The following PIEZO2 variants were observed in gnomAD, a reference collection of about 807,000 sequenced individuals.
The protein encoded by PIEZO2 is piezo-type mechanosensitive ion channel component 2.
PIEZO2 carries 172 observed loss-of-function variants against 337.3 expected under a neutral mutation model. The observed-to-expected ratio is 0.51, with a 90% CI of 0.45 to 0.58. PIEZO2 has a LOEUF of 0.58. Among genes scored for constraint, PIEZO2 ranks in the 20% least tolerant of loss-of-function variants. The probability of loss-of-function intolerance (pLI) is 0.00; values close to 1 mark genes in which losing one functional copy is unlikely to be tolerated. For synonymous variants in PIEZO2, 1,251 were observed against 1,228.5 expected, an observed-to-expected ratio of 1.02 and a Z score of -0.38; for missense variants, 3,028 against 3,391.3, an observed-to-expected ratio of 0.89 and a Z score of 2.66.
In PIEZO2 at chr18:10,702,077, T is replaced by C. The variant is rs1429315459; in HGVS notation, c.6353A>G (p.Asn2118Ser). ...VNKDKPYHPPNIIGVEKKEGY... is the reference protein window; with the variant it reads ...VNKDKPYHPPSIIGVEKKEGY... ...TTCCTTCTTTTCCACTCCTATGATG[T>C]TTGGGGGGTGATACGGTTTATCTTT... is the stretch of plus-strand genomic sequence containing the variant. Residue 2118 changes from asparagine (N) to serine (S), a missense_variant, in exon 43 of 56, where the codon AAC becomes AGC. Coordinates refer to ENST00000674853, the MANE Select transcript of PIEZO2 (RefSeq NM_001378183.1). The C allele has an allele frequency of 1.3e-6, 2 of 1,537,074 alleles. No individual in the cohort carries two copies. Among genetic ancestry groups the C allele is most frequent in the East Asian group, 2.4e-5 (1 of 40,916 alleles).
Position 10,813,935 on chromosome 18 carries a change from T to C in PIEZO2, c.918-6661A>G, listed in dbSNP as rs1473934278. On this transcript the variant is annotated intron_variant, in intron 7 of 55. Transcript: ENST00000674853. The surrounding 1 kb of genome is among the most constrained non-coding windows in gnomAD (Gnocchi z 4.2). ...TCTTGTTATTTTATGCTTTTCAGAG[T>C]AGTCATCCTAATAGGTGTGAGATGG... Among the ~76,000 whole-genome samples the C allele has an allele frequency of 6.6e-6, 1 of 151,938 alleles. No homozygotes were observed. Among genetic ancestry groups the C allele is most frequent in the Non-Finnish European group, 1.5e-5 (1 of 68,008 alleles).
intron 4 of PIEZO2, among the ~76,000 whole-genome samples, chr18:10,891,675 T>G (rs944376344): frequency 3.3e-5 from 5 of 152,206 alleles, no homozygotes; most frequent in African/African-American, 1.2e-4. Flanking sequence ...AGCATTGCAA[T>G]TTTGAGACTG....
At position 10,682,771 on chromosome 18, in the gene PIEZO2, G is replaced by GTTC; in HGVS notation, c.7498-480_7498-479insGAA. ...ATTTTTAATTTAATTCATGACACGT[G>GTTC]TTGTTAAAGACAATGTTGTTCGACA... On this transcript the variant is annotated intron_variant, in intron 49 of 55. Transcript: ENST00000674853. The surrounding 1 kb of genome is among the most constrained non-coding windows in gnomAD (Gnocchi z 5.6). Among the ~76,000 whole-genome samples the GTTC allele has an allele frequency of 1.6e-5, 1 of 63,932 alleles. No homozygotes were observed. Among genetic ancestry groups the GTTC allele is most frequent in the Non-Finnish European group, 4.0e-5 (1 of 24,874 alleles). 41.9% of individuals were successfully genotyped at this position (63,932 alleles called of 152,430 possible). A position where few individuals can be genotyped will look rare whatever the true frequency, so the allele number is the denominator to read the frequency against.
rs370870677 is a variant in PIEZO2 at position 11,135,861 on chromosome 18, T to C, written c.64+12664A>G. On this transcript the variant is annotated intron_variant, in intron 1 of 55. Coordinates refer to ENST00000674853, the MANE Select transcript of PIEZO2 (RefSeq NM_001378183.1). ...GGATACTTCTCCTTCCTTGGGAGAT[T>C]AGCACTGCATTATCAACATAGATCC... Among the ~76,000 whole-genome samples, 56 of 152,348 alleles carry C rather than the reference T, an allele frequency of 3.7e-4. 1 individual carries two copies. The highest frequency in any genetic ancestry group is 1.3e-3 in the African/African-American group (56 of 41,576).
Position 10,954,768 on chromosome 18 carries a change from C to T in PIEZO2, c.286+24767G>A, listed in dbSNP as rs1280452477. On this transcript the variant is annotated intron_variant, in intron 3 of 55. Coordinates refer to ENST00000674853, the MANE Select transcript of PIEZO2 (RefSeq NM_001378183.1). This position sits in a 1 kb window ranked among gnomAD's most constrained non-coding sequence, Gnocchi z 4.2. ...CAGGGGAGACCAGGAGGACCTGAAG[C>T]AACGCATGAGAAGCATCTGACGCTA... is the stretch of plus-strand genomic sequence containing the variant. 6.6e-6 allele frequency among the ~76,000 whole-genome samples: 1 copy of T among 152,198 alleles called. No homozygotes were observed. The highest frequency in any genetic ancestry group is 6.5e-5 in the Admixed American group (1 of 15,280).
intron 7 of PIEZO2, among the ~76,000 whole-genome samples, chr18:10,836,179 A>G (rs546473159): frequency 1.3e-5 from 2 of 152,204 alleles, no homozygotes; most frequent in African/African-American, 4.8e-5. Context: ...CTTATCTCCT[A>G]TTTAAGAGTT....
intron 1 of PIEZO2, among the ~76,000 whole-genome samples, chr18:11,115,940 C>T (rs1055180642): frequency 2.6e-5 from 4 of 152,018 alleles, no homozygotes; most frequent in African/African-American, 9.7e-5. Flanking sequence ...ACATAAAATA[C>T]AAGTACAGAT....
chr18:10,943,662 TTAA>T lies in PIEZO2; in HGVS notation c.287-32437_287-32435del, dbSNP rs1598728613. Among the ~76,000 whole-genome samples, 2 of 152,078 alleles carry T rather than the reference TTAA, an allele frequency of 1.3e-5. No homozygotes were observed. Among genetic ancestry groups the T allele is most frequent in the African/African-American group, 2.4e-5 (1 of 41,390 alleles). The stretch of plus-strand genomic sequence containing the variant: ...ATACTTTGCACTGTGGACTTTTGAG[TTAA>T]TGATGAAATGAGTTGAGACTTTGGG... On this transcript the variant is annotated intron_variant, in intron 3 of 55. Transcript: ENST00000674853. The surrounding 1 kb of genome is among the most constrained non-coding windows in gnomAD (Gnocchi z 4.5).
chr18:10,832,941 C>A (rs1450917185), intron 7 of PIEZO2, among the ~76,000 whole-genome samples: 5 of 149,482 alleles, frequency 3.3e-5, no homozygotes, highest in Non-Finnish European at 1.5e-5. Context: ...GAGGAGCCCA[C>A]GTTTCCGCCT....
At chr18:11,119,749 A>T (rs1330136426) in intron 1 of PIEZO2, among the ~76,000 whole-genome samples, 1 of 152,174 alleles carries the variant, frequency 6.6e-6, no homozygotes, top group African/African-American at 2.4e-5. Flanking sequence ...CCAGTGCCAG[A>T]TCACACTAGA....
Position 11,119,764 on chromosome 18 carries a change from T to C in PIEZO2, c.64+28761A>G, listed in dbSNP as rs141283202. Reference sequence around the variant, plus strand: ...CCAGTGCCAGATCACACTAGAGGAATAGATGTGGGAGGCGACTGTTGCAAA... The same window carrying C: ...CCAGTGCCAGATCACACTAGAGGAACAGATGTGGGAGGCGACTGTTGCAAA... On this transcript the variant is annotated intron_variant, in intron 1 of 55. Coordinates refer to ENST00000674853, the MANE Select transcript of PIEZO2 (RefSeq NM_001378183.1). 4.7e-3 allele frequency among the ~76,000 whole-genome samples: 720 copies of C among 152,266 alleles called. 6 individuals are homozygous for C. Among genetic ancestry groups the C allele is most frequent in the African/African-American group, 0.016 (669 of 41,554 alleles).
At chr18:11,057,961 A>G (rs2037790836) in intron 2 of PIEZO2, among the ~76,000 whole-genome samples, 1 of 152,242 alleles carries the variant, frequency 6.6e-6, no homozygotes, top group Admixed American at 6.5e-5. Context: ...GAAAGCATCT[A>G]ATAATACTCA....
chr18:11,065,997 C>A lies in PIEZO2; in HGVS notation c.160+130G>T. The A allele has an allele frequency of 5.9e-6, 4 of 672,540 alleles. No homozygotes were observed. In the South Asian group the frequency reaches 8.4e-5, roughly 14 times the overall value. 41.7% of individuals were successfully genotyped at this position (672,540 alleles called of 1,614,324 possible). On this transcript the variant is annotated intron_variant, in intron 2 of 55. Transcript: ENST00000674853. ...TGTAGTTCTTAAAATGTTTGACACC[C>A]ACTCCATGCCATATTAGCCCTGCTG...
intron 2 of PIEZO2, among the ~76,000 whole-genome samples, chr18:10,998,148 T>G (rs1158600239): frequency 6.6e-6 from 1 of 152,104 alleles, no homozygotes; most frequent in Non-Finnish European, 1.5e-5. Flanking sequence ...ACTTAGAATT[T>G]TATACCCTGT....
chr18:10,709,372 C>T (rs538394416), intron 39 of PIEZO2: 4 of 152,238 alleles, frequency 2.6e-5, no homozygotes, highest in Non-Finnish European at 5.9e-5. Flanking sequence ...ACACATGGCT[C>T]AACCCCAAAG....
chr18:11,077,506 CA>C lies in PIEZO2; in HGVS notation c.65-11285del, dbSNP rs397728593. 6.6e-6 allele frequency among the ~76,000 whole-genome samples: 1 copy of C among 151,868 alleles called. No homozygotes were observed. The highest frequency in any genetic ancestry group is 1.5e-5 in the Non-Finnish European group (1 of 67,958). On this transcript the variant is annotated intron_variant, in intron 1 of 55. Transcript: ENST00000674853. The surrounding 1 kb of genome is among the most constrained non-coding windows in gnomAD (Gnocchi z 4.8). The stretch of plus-strand genomic sequence containing the variant: ...ACATAGTGAGACCCCCATCTCCACA[CA>C]AAAAAAGAAAAAACTAGCTGGGCAT...
intron 1 of PIEZO2, among the ~76,000 whole-genome samples, chr18:11,087,321 C>A (rs1032567263): frequency 2.0e-5 from 3 of 152,170 alleles, no homozygotes; most frequent in Non-Finnish European, 4.4e-5. Context: ...GTGTCATTTT[C>A]ATCCCTGCAC....
At chr18:10,904,175 A>T (rs555346328) in intron 4 of PIEZO2, among the ~76,000 whole-genome samples, 1 of 152,242 alleles carries the variant, frequency 6.6e-6, no homozygotes, top group African/African-American at 2.4e-5. Context: ...TATAAATGGT[A>T]TCATCTCTAA....
chr18:10,962,320 TG>T lies in PIEZO2; in HGVS notation c.286+17214del, dbSNP rs1482779829. Among the ~76,000 whole-genome samples the T allele has an allele frequency of 2.6e-5, 4 of 152,196 alleles. No individual in the cohort carries two copies. Among genetic ancestry groups the T allele is most frequent in the African/African-American group, 9.6e-5 (4 of 41,462 alleles). On this transcript the variant is annotated intron_variant, in intron 3 of 55. Coordinates refer to ENST00000674853, the MANE Select transcript of PIEZO2 (RefSeq NM_001378183.1). This position sits in a 1 kb window ranked among gnomAD's most constrained non-coding sequence, Gnocchi z 4.1. ...CCCTCCGCTTGCCTGCAGCTTTTCCTGGTCACTCACGGCCCTCCCTCGGCTC... is the reference window on the plus strand; with the variant it reads ...CCCTCCGCTTGCCTGCAGCTTTTCCTGTCACTCACGGCCCTCCCTCGGCTC...
Sources: gnomAD v4.1 joint callset for allele counts (sites outside exome capture counted in the v4.1 genomes callset) on GRCh38, gnomAD v4.1.1 for gene constraint, Gnocchi (gnomAD v3.1) non-coding constraint, MANE v1.5 for transcripts, NCBI Gene and HGNC (gene_info 2026-07-23, HGNC 2026-07-21) for gene names.